The following AQP9 variants were observed in gnomAD, a reference collection of about 807,000 sequenced individuals.
AQP9 encodes aquaporin-9.
In AQP9, 19 loss-of-function variants were observed where a neutral mutation model predicts 23.8. That is an observed-to-expected ratio of 0.80 (90% CI 0.56 to 1.17). The LOEUF (loss-of-function observed/expected upper bound fraction) is 1.17, where lower values mean the gene tolerates loss of function less well. AQP9 is among the 50% of genes most tolerant of loss of function. The pLI is 0.00. For missense variants in AQP9, 413 were observed against 362.0 expected (o/e 1.14, Z -1.14); for synonymous variants, 153 against 131.5 (o/e 1.16, Z -1.12).
At chr15:58,155,408 C>T (rs959688167) in intron 1 of AQP9, 2 of 152,182 alleles carry the variant, frequency 1.3e-5, no homozygotes, top group African/African-American at 2.4e-5. Flanking sequence ...TACAAACCTG[C>T]TATCAGCCAT....
chr15:58,179,617 C>A (rs1388285533), intron 5 of AQP9, among the ~76,000 whole-genome samples: 1 of 152,000 alleles, frequency 6.6e-6, no homozygotes. Context: ...TAATAATAAT[C>A]CCTCAATTGC....
In AQP9 at chr15:58,175,011, C is replaced by T; in HGVS notation, c.470C>T (p.Ser157Phe). The T allele has an allele frequency of 1.2e-6, 2 of 1,613,978 alleles. No homozygotes were observed. ...GCAACATACCCAGCTCCGTATCTAT[C>T]TCTGGCGAACGCATTTGCAGATCAA... ...IFATYPAPYL[S>F]LANAFADQVV... The change falls in exon 4 of 6, where the codon TCT (serine) becomes TTT (phenylalanine). Residue 157 changes from serine (S) to phenylalanine (F), a missense_variant. Coordinates refer to ENST00000219919, the MANE Select transcript of AQP9 (RefSeq NM_020980.5).
At chr15:58,143,366 C>T (rs1431164905) in intron 1 of AQP9, among the ~76,000 whole-genome samples, 6 of 152,194 alleles carry the variant, frequency 3.9e-5, no homozygotes, top group African/African-American at 1.4e-4. Flanking sequence ...TAACACTAAG[C>T]ATACTCTATA....
chr15:58,179,400 G>C lies in AQP9; in HGVS notation c.713+55G>C, dbSNP rs557830415. 9.8e-5 allele frequency: 147 copies of C among 1,501,684 alleles called. 1 individual carries two copies. The highest frequency in any genetic ancestry group is 4.5e-6 in the Non-Finnish European group (5 of 1,106,532). 93.0% of individuals were successfully genotyped at this position (1,501,684 alleles called of 1,614,324 possible). ...CAGAGTCATGCTGCGCCTCACCAGT[G>C]GGGCGGGGCTTTGACATGGAGATCC... On this transcript the variant is annotated intron_variant, in intron 5 of 5. Coordinates refer to ENST00000219919, the MANE Select transcript of AQP9 (RefSeq NM_020980.5).
chr15:58,145,013 CA>C (rs66782655), intron 1 of AQP9, among the ~76,000 whole-genome samples: 3,392 of 50,738 alleles, frequency 0.067, 73 homozygotes, highest in African/African-American at 0.19. Flanking sequence ...GACTCCATCT[CA>C]AAAAAAAAAA....
In AQP9 at chr15:58,184,808, T is replaced by G. The variant is rs1262108314; in HGVS notation, c.*673T>G. ...TTTTAATGGAAACCATTTATCAGAT[T>G]AATCTCTTGCTCTCCTGCATTTTAG... is the stretch of plus-strand genomic sequence containing the variant. On this transcript the variant is annotated 3_prime_UTR_variant, in exon 6 of 6. Coordinates refer to ENST00000219919, the MANE Select transcript of AQP9 (RefSeq NM_020980.5). 1 of 152,246 alleles carries G rather than the reference T, an allele frequency of 6.6e-6. No individual in the cohort carries two copies. The highest frequency in any genetic ancestry group is 2.4e-5 in the African/African-American group (1 of 41,456). The allele number at this position is 152,246 out of a possible 1,614,324, so 9.4% of individuals were successfully genotyped here. A position where few individuals can be genotyped will look rare whatever the true frequency, so the allele number is the denominator to read the frequency against.
intron 1 of AQP9, among the ~76,000 whole-genome samples, chr15:58,165,696 C>A (rs1898485418): frequency 6.6e-6 from 1 of 152,032 alleles, no homozygotes; most frequent in African/African-American, 2.4e-5. Context: ...AGTAGACTAG[C>A]AGTCTACTGA....
chr15:58,162,163 CTG>C (rs1207058053), intron 1 of AQP9, among the ~76,000 whole-genome samples: 7 of 152,286 alleles, frequency 4.6e-5, no homozygotes, highest in Admixed American at 2.6e-4. Flanking sequence ...TATGGGAAGA[CTG>C]TGTTCATTTC....
chr15:58,183,415 T>C (rs1328919645), intron 5 of AQP9, among the ~76,000 whole-genome samples: 1 of 152,190 alleles, frequency 6.6e-6, no homozygotes, highest in Admixed American at 6.5e-5. Flanking sequence ...TATCAGAGGG[T>C]AGCCTCAAGC....
Position 58,173,088 on chromosome 15 carries a change from G to A in AQP9, c.259G>A (p.Val87Met), listed in dbSNP as rs1348749454. ...TGCAGGTGGTCACATCAACCCAGCTGTGTCTTTAGCAATGTGTCTCTTTGG... is the reference window on the plus strand; with the variant it reads ...TGCAGGTGGTCACATCAACCCAGCTATGTCTTTAGCAATGTGTCTCTTTGG... ...GVSGGHINPA[V>M]SLAMCLFGRM... The change falls in exon 3 of 6, where the codon GTG becomes ATG. Residue 87 changes from valine to methionine, a missense_variant. Val to Met is a conservative substitution (Grantham distance 21). Coordinates refer to ENST00000219919, the MANE Select transcript of AQP9 (RefSeq NM_020980.5). 5 of 1,613,894 alleles carry A rather than the reference G, an allele frequency of 3.1e-6. No individual in the cohort carries two copies. The highest frequency in any genetic ancestry group is 4.2e-6 in the Non-Finnish European group (5 of 1,179,912).
At chr15:58,160,015 T>C (rs1898340622) in intron 1 of AQP9, among the ~76,000 whole-genome samples, 2 of 152,222 alleles carry the variant, frequency 1.3e-5, no homozygotes, top group South Asian at 4.1e-4. Context: ...TTCTTTTGGA[T>C]ACATGCCCAG....
At chr15:58,176,283 C>G (rs1195732337) in intron 4 of AQP9, among the ~76,000 whole-genome samples, 1 of 152,074 alleles carries the variant, frequency 6.6e-6, no homozygotes, top group African/African-American at 2.4e-5. Context: ...TTTGGGAGGC[C>G]AAGGTGGACA....
chr15:58,157,957 G>A (rs566194656), intron 1 of AQP9, among the ~76,000 whole-genome samples: 1 of 152,224 alleles, frequency 6.6e-6, no homozygotes, highest in South Asian at 2.1e-4. Context: ...TATATTTTCT[G>A]AACTAGGGTG....
chr15:58,174,835 G>A, intron 3 of AQP9, 83 bp from the exon 4 acceptor site: 2 of 1,130,120 alleles, frequency 1.8e-6, no homozygotes, highest in Non-Finnish European at 1.3e-6. Context: ...CTGAGTGACT[G>A]GTTGTTTAGC....
At chr15:58,165,327 G>GGTT (rs1482807921) in intron 1 of AQP9, among the ~76,000 whole-genome samples, 1 of 152,032 alleles carries the variant, frequency 6.6e-6, no homozygotes, top group Non-Finnish European at 1.5e-5. Context: ...GTGATTAAAT[G>GGTT]GTTTTAACTG....
In AQP9 at chr15:58,179,130, G is replaced by A. The variant is rs1315504950; in HGVS notation, c.498G>A (p.Val166=). Residue 166 remains valine, a splice_region_variant and synonymous_variant, in exon 5 of 6, where the codon GTG becomes GTA. Coordinates refer to ENST00000219919, the MANE Select transcript of AQP9 (RefSeq NM_020980.5). The part of the protein sequence containing the change: ...LSLANAFADQ[V]VATMILLIIV... The stretch of plus-strand genomic sequence containing the variant: ...TGGCTCAACTTCTCCCTCTCCAGGT[G>A]GTGGCCACCATGATACTCCTCATAA... The A allele has an allele frequency of 6.2e-7, 1 of 1,607,498 alleles. No homozygotes were observed. Among genetic ancestry groups the A allele is most frequent in the Non-Finnish European group, 8.5e-7 (1 of 1,174,032 alleles).
chr15:58,145,269 G>C (rs545291200), intron 1 of AQP9, among the ~76,000 whole-genome samples: 1 of 151,806 alleles, frequency 6.6e-6, no homozygotes, highest in South Asian at 2.1e-4. Flanking sequence ...TTGGGAGGCC[G>C]AGGCAGGTGG....
chr15:58,171,953 C>T (rs1898635060), intron 2 of AQP9, among the ~76,000 whole-genome samples: 1 of 152,184 alleles, frequency 6.6e-6, no homozygotes, highest in South Asian at 2.1e-4. Context: ...TCCCCCTCCA[C>T]AAAAAATGTC....
At chr15:58,156,693 A>T (rs1160992854) in intron 1 of AQP9, among the ~76,000 whole-genome samples, 1 of 152,104 alleles carries the variant, frequency 6.6e-6, no homozygotes, top group East Asian at 1.9e-4. Flanking sequence ...GGCAACCTTC[A>T]TTTAACTCAA....
Sources: gnomAD v4.1 joint callset for allele counts (sites outside exome capture counted in the v4.1 genomes callset) on GRCh38, gnomAD v4.1.1 for gene constraint, MANE v1.5 for transcripts, NCBI Gene and HGNC (gene_info 2026-07-23, HGNC 2026-07-21) for gene names.